Variants in DCBLD2 observed in about 807,000 individuals in gnomAD.
DCBLD2 encodes discoidin, CUB and LCCL domain containing 2.
A neutral mutation model predicts 86.8 loss-of-function variants in DCBLD2; 54 were observed. The observed-to-expected ratio is 0.62, with a 90% CI of 0.50 to 0.78. The LOEUF (loss-of-function observed/expected upper bound fraction) is 0.78, where lower values mean the gene tolerates loss of function less well. DCBLD2 is among the 30% of genes least tolerant of loss of function. DCBLD2 has a pLI of 0.00. For missense variants in DCBLD2, 908 were observed against 954.2 expected (o/e 0.95, Z 0.64); for synonymous variants, 354 against 341.3 (o/e 1.04, Z -0.41).
intron 6 of DCBLD2, among the ~76,000 whole-genome samples, chr3:98,821,561 C>T (rs1185795890): frequency 2.0e-5 from 3 of 152,246 alleles, no homozygotes; most frequent in East Asian, 3.9e-4. Context: ...TCCCCATGTG[C>T]TATAAGGAAC....
intron 2 of DCBLD2, among the ~76,000 whole-genome samples, chr3:98,855,671 T>C (rs927847759): frequency 1.8e-4 from 27 of 152,342 alleles, no homozygotes; most frequent in African/African-American, 6.3e-4. Context: ...AAAGAGCATA[T>C]AGGTTTTTAC....
chr3:98,850,954 TAAG>T (rs2107486065), intron 2 of DCBLD2, among the ~76,000 whole-genome samples: 1 of 152,204 alleles, frequency 6.6e-6, no homozygotes, highest in South Asian at 2.1e-4. Context: ...CTCAAAATAA[TAAG>T]AACTATTTAT....
intron 2 of DCBLD2, among the ~76,000 whole-genome samples, chr3:98,869,553 A>G (rs1432682335): frequency 6.6e-6 from 1 of 152,192 alleles, no homozygotes; most frequent in African/African-American, 2.4e-5. Flanking sequence ...TAAAATTGTT[A>G]TGGTTTCAGG....
rs532454350 is a variant in DCBLD2, at chr3:98,871,537, AT to A, written c.433+10002del. Among the ~76,000 whole-genome samples, 102 of 151,280 alleles carry A rather than the reference AT, an allele frequency of 6.7e-4. No homozygotes were observed. The East Asian group carries it at 0.011, about 16-fold the overall frequency. On this transcript the variant is annotated intron_variant, in intron 2 of 15. Coordinates refer to ENST00000326840, the MANE Select transcript of DCBLD2 (RefSeq NM_080927.4). ...TGCTTTTTCTTCATCTACTGAAATG[AT>A]TTTTTTTTGTTTTTAATTATATTTA...
chr3:98,842,039 CG>C (rs1231935218), intron 3 of DCBLD2, among the ~76,000 whole-genome samples: 2 of 152,014 alleles, frequency 1.3e-5, no homozygotes, highest in Non-Finnish European at 2.9e-5. Context: ...TACTACAGCC[CG>C]GGTGCCAGAG....
At position 98,819,392 on chromosome 3, in the gene DCBLD2, C is replaced by T. The variant is rs1279856085; in HGVS notation, c.897G>A (p.Glu299=). Residue 299 remains glutamate (E), a synonymous_variant, in exon 8 of 16, where the codon GAG becomes GAA. Transcript: ENST00000326840. ...TTTGAGGATCCGCGATCACACCAGA[C>T]TCCATCCCCAGTGTTCCATAACATC... is the stretch of plus-strand genomic sequence containing the variant. The part of the protein sequence containing the change: ...TSGCYGTLGM[E]SGVIADPQIT... 1.2e-6 allele frequency: 2 copies of T among 1,613,748 alleles called. No individual in the cohort carries two copies. Among genetic ancestry groups the T allele is most frequent in the South Asian group, 2.2e-5 (2 of 91,072 alleles).
chr3:98,874,455 C>T lies in DCBLD2; in HGVS notation c.433+7085G>A, dbSNP rs946605889. ...GAACCCATTAATATAATACACTATA[C>T]CAATAGATTTAGGTAGAAAAACCAT... On this transcript the variant is annotated intron_variant, in intron 2 of 15. Transcript: ENST00000326840. 3.3e-5 allele frequency among the ~76,000 whole-genome samples: 5 copies of T among 151,946 alleles called. No homozygotes were observed. In the South Asian group the frequency reaches 1.0e-3, roughly 32 times the overall value.
chr3:98,890,912 C>T (rs1014305863), intron 1 of DCBLD2, among the ~76,000 whole-genome samples: 13 of 152,078 alleles, frequency 8.5e-5, no homozygotes, highest in Non-Finnish European at 1.5e-4. Flanking sequence ...TATATACATA[C>T]TAAGCACTTT....
chr3:98,812,539 T>G (rs1941956765), intron 9 of DCBLD2, 57 bp from the exon 10 acceptor site: 4 of 1,498,924 alleles, frequency 2.7e-6, no homozygotes, highest in Non-Finnish European at 3.6e-6. Context: ...AGGGCTAAAT[T>G]TCTCCACTTA....
intron 3 of DCBLD2, among the ~76,000 whole-genome samples, chr3:98,830,488 T>C (rs1479561591): frequency 6.6e-6 from 1 of 152,228 alleles, no homozygotes; most frequent in African/African-American, 2.4e-5. Context: ...ATTTATTAAA[T>C]AGGCAGTCCT....
intron 4 of DCBLD2, 133 bp from the exon 5 acceptor site, chr3:98,822,874 A>C: frequency 1.5e-6 from 1 of 685,742 alleles, no homozygotes; most frequent in African/African-American, 1.9e-5. Context: ...TCAAAGACCC[A>C]CCACTTCTTT....
intron 3 of DCBLD2, among the ~76,000 whole-genome samples, chr3:98,837,894 T>G (rs7624157): frequency 5.7e-5 from 4 of 70,262 alleles, no homozygotes; most frequent in Admixed American, 2.5e-4. Flanking sequence ...CCCTCCCGGA[T>G]GGGGCGGCTG....
intron 1 of DCBLD2, among the ~76,000 whole-genome samples, chr3:98,882,690 T>G (rs1410309948): frequency 1.3e-5 from 2 of 152,318 alleles, no homozygotes; most frequent in African/African-American, 2.4e-5. Flanking sequence ...TCTGTCCTTG[T>G]GGTAATTTGC....
chr3:98,853,601 G>A (rs758107342), intron 2 of DCBLD2, among the ~76,000 whole-genome samples: 1 of 152,210 alleles, frequency 6.6e-6, no homozygotes, highest in Non-Finnish European at 1.5e-5. Flanking sequence ...TGGTCACCAT[G>A]CCTCTTCTGA....
At chr3:98,891,422 T>G (rs944132160) in intron 1 of DCBLD2, among the ~76,000 whole-genome samples, 3 of 152,092 alleles carry the variant, frequency 2.0e-5, no homozygotes, top group African/African-American at 7.2e-5. Flanking sequence ...CAGTTCTAAA[T>G]TTAGTCCCTC....
At chr3:98,826,986 A>G (rs965484884) in intron 3 of DCBLD2, among the ~76,000 whole-genome samples, 2 of 152,200 alleles carry the variant, frequency 1.3e-5, no homozygotes, top group African/African-American at 2.4e-5. Context: ...TTTATTCCAT[A>G]ATTCTGAAGA....
At position 98,808,140 on chromosome 3, in the gene DCBLD2, C is replaced by T. The variant is rs202236000; in HGVS notation, c.1611G>A (p.Leu537=). ...GAATGAGAGTAGTGAGGACCATGAC[C>T]AGCACAGGGACAAGAACTGCAGCCA... ...VALAAVLVPV[L]VMVLTTLILI... Residue 537 remains leucine, a synonymous_variant, in exon 13 of 16, where the codon CTG becomes CTA. Coordinates refer to ENST00000326840, the MANE Select transcript of DCBLD2 (RefSeq NM_080927.4). 2.6e-4 allele frequency: 420 copies of T among 1,606,560 alleles called. 2 individuals are homozygous for T. The highest frequency in any genetic ancestry group is 2.1e-3 in the Middle Eastern group (13 of 6,048).
intron 12 of DCBLD2, among the ~76,000 whole-genome samples, chr3:98,810,295 C>T (rs1449336950): frequency 6.6e-6 from 1 of 152,196 alleles, no homozygotes; most frequent in Non-Finnish European, 1.5e-5. Flanking sequence ...CCTTGATTCT[C>T]TCTAGCTGTA....
rs1338201577 is a variant in DCBLD2 at position 98,836,768 on chromosome 3, G to A, written c.572-11402C>T. 1.2e-4 allele frequency among the ~76,000 whole-genome samples: 8 copies of A among 69,368 alleles called. 1 individual carries two copies. Among genetic ancestry groups the A allele is most frequent in the South Asian group, 5.2e-4 (1 of 1,918 alleles). The allele number at this position is 69,368 out of a possible 152,430, so 45.5% of individuals were successfully genotyped here. On this transcript the variant is annotated intron_variant, in intron 3 of 15. Transcript: ENST00000326840. ...TCCCGGACGGGGTGGCTGGCCGGGC[G>A]GGGGGCCGACACCCCCACCTCCCTC...
Sources: gnomAD v4.1 joint callset for allele counts (sites outside exome capture counted in the v4.1 genomes callset) on GRCh38, gnomAD v4.1.1 for gene constraint, MANE v1.5 for transcripts, NCBI Gene and HGNC (gene_info 2026-07-23, HGNC 2026-07-21) for gene names.